The following SLC2A2 variants were observed in gnomAD, a reference collection of about 807,000 sequenced individuals.
SLC2A2 encodes solute carrier family 2 member 2, also known as solute carrier family 2, facilitated glucose transporter member 2.
A neutral mutation model predicts 54.5 loss-of-function variants in SLC2A2; 36 were observed. That is an observed-to-expected ratio of 0.66 (90% CI 0.51 to 0.87). SLC2A2 has a LOEUF of 0.87. Ranked by LOEUF, SLC2A2 falls within the 40% of genes least tolerant of loss-of-function variation. The probability of loss-of-function intolerance (pLI) is 0.00; values close to 1 mark genes in which losing one functional copy is unlikely to be tolerated. For missense variants in SLC2A2, 543 were observed against 624.3 expected (o/e 0.87, Z 1.39); for synonymous variants, 223 against 219.1 (o/e 1.02, Z -0.16).
At chr3:171,009,854 C>CA (rs1715792392) in intron 4 of SLC2A2, 104 bp downstream of exon 4, 41 of 1,480,682 alleles carry the variant, frequency 2.8e-5, no homozygotes, top group Non-Finnish European at 3.7e-5. Flanking sequence ...ACCCTAGACT[C>CA]AAAAATATCC....
At chr3:171,012,280 G>A (rs948415547) in intron 3 of SLC2A2, among the ~76,000 whole-genome samples, 4 of 152,182 alleles carry the variant, frequency 2.6e-5, no homozygotes, top group Admixed American at 2.0e-4. Context: ...GGAGGAAAAC[G>A]TCTTAGAGAA....
At chr3:171,025,296 TAA>T (rs1475718516) in intron 1 of SLC2A2, among the ~76,000 whole-genome samples, 1 of 140,386 alleles carries the variant, frequency 7.1e-6, no homozygotes, top group Non-Finnish European at 1.5e-5. Flanking sequence ...AATATGTATT[TAA>T]AGTGTTTATA....
At position 170,996,822 on chromosome 3, in the gene SLC2A2, A is replaced by G. The variant is rs1381074654; in HGVS notation, c.*1081T>C. ...CCATAAAACAATCAGTCTTTCCAGG[A>G]AAATTAAATAGGGATTTTGATAAAA... On this transcript the variant is annotated 3_prime_UTR_variant, in exon 11 of 11. Transcript: ENST00000314251. The G allele has an allele frequency of 2.5e-6, 1 of 393,404 alleles. No individual in the cohort carries two copies. Among genetic ancestry groups the G allele is most frequent in the African/African-American group, 2.1e-5 (1 of 48,392 alleles). 24.4% of individuals were successfully genotyped at this position (393,404 alleles called of 1,614,324 possible).
intron 2 of SLC2A2, among the ~76,000 whole-genome samples, chr3:171,015,662 G>A (rs1716118630): frequency 6.6e-6 from 1 of 152,136 alleles, no homozygotes; most frequent in Admixed American, 6.5e-5. Context: ...ACTAGATGGT[G>A]TATCTTTGTT....
chr3:170,999,106 A>G lies in SLC2A2; in HGVS notation c.1129T>C (p.Phe377Leu), dbSNP rs946622803. The G allele has an allele frequency of 2.4e-5, 39 of 1,612,920 alleles. No homozygotes were observed. The highest frequency in any genetic ancestry group is 3.2e-5 in the Non-Finnish European group (38 of 1,179,224). The change falls in exon 9 of 11, where the codon TTT (phenylalanine) becomes CTT (leucine). Residue 377 changes from phenylalanine (F) to leucine (L), a missense_variant. By Grantham distance (22) the Phe-to-Leu change is conservative (BLOSUM62 0). Transcript: ENST00000314251. ...SLFLIGMSGM[F>L]VCAIFMSVGL... ...ACTGACATGAAGATGGCACAAACAA[A>G]CATCCCACTCATTCCAATTAGAAAG... is the stretch of plus-strand genomic sequence containing the variant.
At chr3:171,020,562 A>G (rs1716409230) in intron 1 of SLC2A2, among the ~76,000 whole-genome samples, 1 of 152,172 alleles carries the variant, frequency 6.6e-6, no homozygotes. Context: ...TATATATGTG[A>G]TATATAATAT....
chr3:171,001,234 A>G (rs1053079602), intron 8 of SLC2A2, among the ~76,000 whole-genome samples: 4 of 152,096 alleles, frequency 2.6e-5, no homozygotes, highest in African/African-American at 7.2e-5. Flanking sequence ...AAATCCTATT[A>G]TACACAAAAT....
Position 170,996,556 on chromosome 3 carries a change from T to TA in SLC2A2, c.*1346dup. 2.5e-6 allele frequency: 1 copy of TA among 397,802 alleles called. No individual in the cohort carries two copies. Among genetic ancestry groups the TA allele is most frequent in the Admixed American group, 4.4e-5 (1 of 22,704 alleles). 24.6% of individuals were successfully genotyped at this position (397,802 alleles called of 1,614,324 possible). A position where few individuals can be genotyped will look rare whatever the true frequency, so the allele number is the denominator to read the frequency against. ...TGGAGAAAACAGCCTAGAGATACGT[T>TA]AGCACCCTGCTAAGCTTTTGGGACC... On this transcript the variant is annotated 3_prime_UTR_variant, in exon 11 of 11. Transcript: ENST00000314251.
chr3:170,999,025 A>G lies in SLC2A2; in HGVS notation c.1170+40T>C, dbSNP rs770905445. On this transcript the variant is annotated intron_variant, in intron 9 of 10. Coordinates refer to ENST00000314251, the MANE Select transcript of SLC2A2 (RefSeq NM_000340.2). ...GACCACAGAGGTGCCAGGTACCATC[A>G]TATGTTAATGAAAAACCTCAGTGCA... 4.0e-6 allele frequency: 5 copies of G among 1,257,662 alleles called. No homozygotes were observed. The South Asian group carries it at 6.0e-5, about 15-fold the overall frequency. 77.9% of individuals were successfully genotyped at this position (1,257,662 alleles called of 1,614,324 possible). A position where few individuals can be genotyped will look rare whatever the true frequency, so the allele number is the denominator to read the frequency against.
At position 171,005,959 on chromosome 3, in the gene SLC2A2, T is replaced by G. The variant is rs1309254226; in HGVS notation, c.759A>C (p.Glu253Asp). The change falls in exon 6 of 11, where the codon GAA becomes GAC. Residue 253 changes from glutamate (E) to aspartate (D), a missense_variant. Physicochemically the swap from Glu to Asp is conservative, Grantham distance 45 (BLOSUM62 2). Coordinates refer to ENST00000314251, the MANE Select transcript of SLC2A2 (RefSeq NM_000340.2). Reference protein sequence around the residue: ...PRYLYIKLDEEVKAKQSLKRL... With the variant: ...PRYLYIKLDEDVKAKQSLKRL... ...CAGACTTACTTTGTTTTGCTTTGACTTCCTCATCTAACTTGATGTAAAGGT... is the reference window on the plus strand; with the variant it reads ...CAGACTTACTTTGTTTTGCTTTGACGTCCTCATCTAACTTGATGTAAAGGT... 3.5e-5 allele frequency: 57 copies of G among 1,612,308 alleles called. No homozygotes were observed. The highest frequency in any genetic ancestry group is 4.8e-5 in the Non-Finnish European group (57 of 1,178,872).
chr3:171,025,654 A>G (rs2108268263), intron 1 of SLC2A2, among the ~76,000 whole-genome samples: 1 of 152,294 alleles, frequency 6.6e-6, no homozygotes, highest in East Asian at 1.9e-4. Context: ...GCTGACTCCA[A>G]AGCCAGTGCA....
intron 8 of SLC2A2, among the ~76,000 whole-genome samples, chr3:171,001,950 A>G (rs1715355802): frequency 6.6e-6 from 1 of 151,846 alleles, no homozygotes; most frequent in East Asian, 1.9e-4. Flanking sequence ...GAAAACAATA[A>G]CATTTCTAGT....
chr3:171,010,137 A>G, intron 3 of SLC2A2, 55 bp from the exon 4 acceptor site: 1 of 1,571,716 alleles, frequency 6.4e-7, no homozygotes, highest in Non-Finnish European at 8.7e-7. Context: ...TGCTAAAATT[A>G]TTCGCTTTCA....
At chr3:171,001,921 A>T (rs1465391048) in intron 8 of SLC2A2, among the ~76,000 whole-genome samples, 1 of 151,436 alleles carries the variant, frequency 6.6e-6, no homozygotes, top group Non-Finnish European at 1.5e-5. Context: ...AGAGTATATG[A>T]CTTTTTTTTT....
In SLC2A2 at chr3:170,996,771, G is replaced by T. The variant is rs55669541; in HGVS notation, c.*1132C>A. Reference sequence around the variant, plus strand: ...AGACAAAGAAGGAAATGTCAAAGGAGACGATTATTTTATGTTAGGAACACA... The same window carrying T: ...AGACAAAGAAGGAAATGTCAAAGGATACGATTATTTTATGTTAGGAACACA... On this transcript the variant is annotated 3_prime_UTR_variant, in exon 11 of 11. Coordinates refer to ENST00000314251, the MANE Select transcript of SLC2A2 (RefSeq NM_000340.2). 57 of 396,178 alleles carry T rather than the reference G, an allele frequency of 1.4e-4. No individual in the cohort carries two copies. Among genetic ancestry groups the T allele is most frequent in the Non-Finnish European group, 2.2e-4 (50 of 224,632 alleles). 24.5% of individuals were successfully genotyped at this position (396,178 alleles called of 1,614,324 possible).
intron 4 of SLC2A2, 57 bp from the exon 5 acceptor site, chr3:171,007,320 C>A: frequency 9.3e-7 from 1 of 1,070,572 alleles, no homozygotes; most frequent in Non-Finnish European, 1.4e-6. Context: ...TCAATAATAA[C>A]AATTTGGTTT....
At chr3:171,008,164 A>G (rs998181522) in intron 4 of SLC2A2, among the ~76,000 whole-genome samples, 4 of 152,262 alleles carry the variant, frequency 2.6e-5, no homozygotes, top group African/African-American at 4.8e-5. Flanking sequence ...CTACCTGCCT[A>G]TCAAATTGAA....
rs1241672684 is a variant in SLC2A2, at chr3:170,996,489, A to G, written c.*1414T>C. Reference sequence around the variant, plus strand: ...TAAAAAGTGCTTTTCTTCAATACACATTAAAGCAAACATAAGAAGGATTGA... The same window carrying G: ...TAAAAAGTGCTTTTCTTCAATACACGTTAAAGCAAACATAAGAAGGATTGA... On this transcript the variant is annotated 3_prime_UTR_variant, in exon 11 of 11. Transcript: ENST00000314251. The G allele has an allele frequency of 1.5e-5, 6 of 396,362 alleles. No homozygotes were observed. The highest frequency in any genetic ancestry group is 2.2e-5 in the Non-Finnish European group (5 of 224,696). The allele number at this position is 396,362 out of a possible 1,614,324, so 24.6% of individuals were successfully genotyped here.
chr3:171,022,046 G>A (rs1252370770), intron 1 of SLC2A2, among the ~76,000 whole-genome samples: 2 of 152,120 alleles, frequency 1.3e-5, no homozygotes, highest in Non-Finnish European at 2.9e-5. Flanking sequence ...TGCCACATAA[G>A]GCAAGATATT....
Sources: allele counts gnomAD v4.1 joint callset (sites outside exome capture counted in the v4.1 genomes callset), GRCh38; gene constraint gnomAD v4.1.1; transcripts MANE v1.5; gene names NCBI Gene and HGNC (gene_info 2026-07-23, HGNC 2026-07-21).